The following ZMAT2 variants were observed in gnomAD, a reference collection of about 807,000 sequenced individuals.
ZMAT2 encodes zinc finger matrin-type protein 2.
ZMAT2 carries 5 observed loss-of-function variants against 27.5 expected under a neutral mutation model. The ratio of observed to expected loss-of-function variants is 0.18; its 90% CI spans 0.10 to 0.38. The LOEUF is 0.38. Among genes scored for constraint, ZMAT2 ranks in the 10% least tolerant of loss-of-function variants. The pLI, the probability that ZMAT2 is intolerant of heterozygous loss-of-function variation, is 1.00. For missense variants in ZMAT2, 124 were observed against 243.9 expected (o/e 0.51, Z 3.27); for synonymous variants, 76 against 78.6 (o/e 0.97, Z 0.17).
At chr5:140,704,617 T>C (rs774072115) in intron 5 of ZMAT2, 46 bp downstream of exon 5, 1 of 1,602,556 alleles carries the variant, frequency 6.2e-7, no homozygotes. Context: ...TTGAGTTTTA[T>C]GTTATGAATC....
In ZMAT2 at chr5:140,704,488, C is replaced by T. The variant is rs753852360; in HGVS notation, c.373C>T (p.Arg125Cys). The T allele has an allele frequency of 3.1e-6, 5 of 1,613,718 alleles. No homozygotes were observed. Among genetic ancestry groups the T allele is most frequent in the African/African-American group, 1.3e-5 (1 of 74,820 alleles). ...ERSTLDQVKK[R>C]FEVNKKKMEE... Reference sequence around the variant, plus strand: ...TTCCACCCTGGATCAGGTGAAGAAACGTTTTGAGGTCAACAAGAAGAAGAT... The same window carrying T: ...TTCCACCCTGGATCAGGTGAAGAAATGTTTTGAGGTCAACAAGAAGAAGAT... The change falls in exon 5 of 6, where the codon CGT becomes TGT. Residue 125 changes from arginine to cysteine, a missense_variant. Physicochemically the swap from Arg to Cys is radical, Grantham distance 180 (BLOSUM62 -3). Around this residue, in one of 5 missense-constraint regions of ZMAT2, gnomAD observed 11 missense variants for 68.1 expected, o/e 0.16. Transcript: ENST00000274712.
intron 2 of ZMAT2, 88 bp downstream of exon 2, chr5:140,701,000 C>A: frequency 7.6e-7 from 1 of 1,313,976 alleles, no homozygotes; most frequent in Non-Finnish European, 1.1e-6. Context: ...CGCTGCCTTC[C>A]CACGCGGTGT....
At chr5:140,702,375 C>T (rs1165382778) in intron 3 of ZMAT2, among the ~76,000 whole-genome samples, 2 of 152,142 alleles carry the variant, frequency 1.3e-5, no homozygotes, top group Non-Finnish European at 2.9e-5. Flanking sequence ...GTGGCTCACG[C>T]CTGTATTCCC....
At chr5:140,700,639 A>C (rs901131265) in intron 1 of ZMAT2, among the ~76,000 whole-genome samples, 161 bp downstream of exon 1, 34 of 152,296 alleles carry the variant, frequency 2.2e-4, no homozygotes, top group African/African-American at 6.5e-4. Context: ...GCAGAGGGTC[A>C]GTAGAATCGC....
Position 140,700,468 on chromosome 5 carries a change from C to T in ZMAT2, c.8C>T (p.Ser3Leu). The T allele has an allele frequency of 6.2e-7, 1 of 1,612,916 alleles. No homozygotes were observed. The highest frequency in any genetic ancestry group is 8.5e-7 in the Non-Finnish European group (1 of 1,179,866). Residue 3 changes from serine (S) to leucine (L), a missense_variant, in exon 1 of 6, where the codon TCG becomes TTG. Around this residue, in one of 5 missense-constraint regions of ZMAT2, gnomAD observed 24 missense variants for 24.1 expected, o/e 0.99. Transcript: ENST00000274712. MA[S>L]GSGTKNLDFR... Reference sequence around the variant, plus strand: ...ATTCACTTCGCTGTGAAGATGGCGTCGGGCAGCGGGGTAGGTGTTGTGTCT... The same window carrying T: ...ATTCACTTCGCTGTGAAGATGGCGTTGGGCAGCGGGGTAGGTGTTGTGTCT...
At position 140,704,315 on chromosome 5, in the gene ZMAT2, A is replaced by G. The variant is rs1192462528; in HGVS notation, c.311-111A>G. On this transcript the variant is annotated intron_variant, in intron 4 of 5. Coordinates refer to ENST00000274712, the MANE Select transcript of ZMAT2 (RefSeq NM_144723.3). Reference sequence around the variant, plus strand: ...GGCCAAGGGAGTTTCTTTTAGCCATAATTATTTTTGCTGTGTGTTTTATGA... The same window carrying G: ...GGCCAAGGGAGTTTCTTTTAGCCATGATTATTTTTGCTGTGTGTTTTATGA... 4.2e-6 allele frequency: 6 copies of G among 1,421,296 alleles called. No homozygotes were observed. In the African/African-American group the frequency reaches 8.6e-5, roughly 20 times the overall value. The allele number at this position is 1,421,296 out of a possible 1,614,324, so 88.0% of individuals were successfully genotyped here. A position where few individuals can be genotyped will look rare whatever the true frequency, so the allele number is the denominator to read the frequency against.
rs1760044886 is a variant in ZMAT2, at chr5:140,705,688, G to C, written c.532G>C (p.Glu178Gln). 6.2e-7 allele frequency: 1 copy of C among 1,614,144 alleles called. No homozygotes were observed. The highest frequency in any genetic ancestry group is 8.5e-7 in the Non-Finnish European group (1 of 1,180,016). Residue 178 changes from glutamate (E) to glutamine (Q), a missense_variant, in exon 6 of 6, where the codon GAG becomes CAG. Physicochemically the swap from Glu to Gln is conservative, Grantham distance 29. Coordinates refer to ENST00000274712, the MANE Select transcript of ZMAT2 (RefSeq NM_144723.3). ...KRRAEEDLTF[E>Q]EDDEMAAVMG... is the part of the protein sequence containing the mutation. ...GAGGGCTGAGGAGGACTTGACATTT[G>C]AGGAGGACGATGAGATGGCAGCTGT...
In ZMAT2 at chr5:140,705,791, T is replaced by A; in HGVS notation, c.*35T>A. The A allele has an allele frequency of 6.2e-7, 1 of 1,606,374 alleles. No homozygotes were observed. Among genetic ancestry groups the A allele is most frequent in the Non-Finnish European group, 8.5e-7 (1 of 1,176,582 alleles). ...TGCTTGGCCTGACTTTGGCCTATGCTGGACCTAACTTTGCGTGTGTGTGTG... is the reference window on the plus strand; with the variant it reads ...TGCTTGGCCTGACTTTGGCCTATGCAGGACCTAACTTTGCGTGTGTGTGTG... On this transcript the variant is annotated 3_prime_UTR_variant, in exon 6 of 6. Coordinates refer to ENST00000274712, the MANE Select transcript of ZMAT2 (RefSeq NM_144723.3).
At chr5:140,703,668 A>G (rs1052094245) in intron 3 of ZMAT2, among the ~76,000 whole-genome samples, 9 of 152,330 alleles carry the variant, frequency 5.9e-5, no homozygotes, top group East Asian at 1.9e-4. Context: ...GACATATTCT[A>G]TTGGCCAAAC....
At chr5:140,704,041 G>C (rs753811871) in intron 4 of ZMAT2, 50 bp downstream of exon 4, 1 of 1,552,270 alleles carries the variant, frequency 6.4e-7, no homozygotes, top group South Asian at 1.1e-5. Flanking sequence ...GGTTTTGGAG[G>C]TGGGGTGGAA....
chr5:140,704,518 G>A lies in ZMAT2; in HGVS notation c.403G>A (p.Glu135Lys). The A allele has an allele frequency of 6.2e-7, 1 of 1,614,128 alleles. No homozygotes were observed. Among genetic ancestry groups the A allele is most frequent in the Non-Finnish European group, 8.5e-7 (1 of 1,180,022 alleles). ...RFEVNKKKME[E>K]KQKDYDFEER... ...TGAGGTCAACAAGAAGAAGATGGAA[G>A]AGAAGCAGAAGGATTATGATTTTGA... The change falls in exon 5 of 6, where the codon GAG becomes AAG. Residue 135 changes from glutamate to lysine, a missense_variant. This residue lies in a region of ZMAT2 where 53 missense variants were observed against 82.3 expected (regional missense o/e 0.64). Transcript: ENST00000274712.
chr5:140,700,759 C>A, intron 1 of ZMAT2, 60 bp from the exon 2 acceptor site: 1 of 1,580,950 alleles, frequency 6.3e-7, no homozygotes, highest in Admixed American at 1.7e-5. Context: ...GGGCGCGGTT[C>A]CCTGCTTCTC....
At chr5:140,704,775 G>A (rs990713488) in intron 5 of ZMAT2, among the ~76,000 whole-genome samples, 1 of 150,358 alleles carries the variant, frequency 6.7e-6, no homozygotes, top group African/African-American at 2.5e-5. Context: ...TTTTCTCCTA[G>A]ACTCTCTGGG....
intron 2 of ZMAT2, 97 bp from the exon 3 acceptor site, chr5:140,701,909 A>T: frequency 6.9e-7 from 1 of 1,446,348 alleles, no homozygotes; most frequent in Non-Finnish European, 9.3e-7. Flanking sequence ...TGATTTTGAA[A>T]TGAGTAAGAC....
chr5:140,703,395 C>T (rs781737006), intron 3 of ZMAT2, among the ~76,000 whole-genome samples: 43 of 152,108 alleles, frequency 2.8e-4, no homozygotes, highest in Non-Finnish European at 5.3e-4. Flanking sequence ...CATGCACCAC[C>T]TGATTTTTTT....
intron 1 of ZMAT2, 105 bp from the exon 2 acceptor site, chr5:140,700,714 G>A: frequency 7.2e-7 from 1 of 1,392,254 alleles, no homozygotes; most frequent in African/African-American, 1.4e-5. Context: ...AAGAGGCTTT[G>A]CTTTCAAAAC....
At position 140,700,483 on chromosome 5, in the gene ZMAT2, G is replaced by GT. The variant is rs996434221; in HGVS notation, c.18+6dup. The GT allele has an allele frequency of 1.2e-6, 2 of 1,613,128 alleles. No individual in the cohort carries two copies. The highest frequency in any genetic ancestry group is 2.7e-5 in the African/African-American group (2 of 75,024). ...AAGATGGCGTCGGGCAGCGGGGTAGGTGTTGTGTCTGAGGAGGAGGTTTTG... is the reference window on the plus strand; with the variant it reads ...AAGATGGCGTCGGGCAGCGGGGTAGGTTGTTGTGTCTGAGGAGGAGGTTTTG... On this transcript the variant is annotated splice_donor_region_variant and intron_variant, in intron 1 of 5. Coordinates refer to ENST00000274712, the MANE Select transcript of ZMAT2 (RefSeq NM_144723.3).
At position 140,700,843 on chromosome 5, in the gene ZMAT2, A is replaced by C. The variant is rs1226084752; in HGVS notation, c.43A>C (p.Lys15Gln). ...SGTKNLDFRR[K>Q]WDKDEYEKLA... is the part of the protein sequence containing the mutation. The stretch of plus-strand genomic sequence containing the variant: ...GACAAAAAACTTGGACTTTCGCCGA[A>C]AGTGGGACAAAGATGAATATGAGAA... Residue 15 changes from lysine to glutamine, a missense_variant, in exon 2 of 6, where the codon AAG becomes CAG. Lys to Gln is a moderately conservative substitution (Grantham distance 53). This residue lies in a region of ZMAT2 where 24 missense variants were observed against 24.1 expected (regional missense o/e 0.99). Transcript: ENST00000274712. 1.2e-6 allele frequency: 2 copies of C among 1,613,962 alleles called. No homozygotes were observed. Among genetic ancestry groups the C allele is most frequent in the Non-Finnish European group, 1.7e-6 (2 of 1,179,952 alleles).
intron 3 of ZMAT2, among the ~76,000 whole-genome samples, chr5:140,702,782 C>T (rs1304135846): frequency 6.6e-6 from 1 of 152,060 alleles, no homozygotes; most frequent in East Asian, 1.9e-4. Context: ...CACCTTCTTC[C>T]AAGACTATAA....
Sources: gnomAD v4.1 joint callset for allele counts (sites outside exome capture counted in the v4.1 genomes callset) on GRCh38, gnomAD v4.1.1 for gene constraint, gnomAD v4.1.1 regional missense constraint, MANE v1.5 for transcripts, NCBI Gene and HGNC (gene_info 2026-07-23, HGNC 2026-07-21) for gene names.